The following SRRM1 variants were observed in gnomAD, a reference collection of about 807,000 sequenced individuals.
SRRM1 encodes the protein serine and arginine repetitive matrix 1, also known as serine/arginine repetitive matrix protein 1.
SRRM1 carries 19 observed loss-of-function variants against 110.2 expected under a neutral mutation model. The ratio of observed to expected loss-of-function variants is 0.17; its 90% CI spans 0.12 to 0.25. The LOEUF (loss-of-function observed/expected upper bound fraction) is 0.25. Among genes scored for constraint, SRRM1 ranks in the 10% least tolerant of loss-of-function variants. The pLI, the probability that SRRM1 is intolerant of heterozygous loss-of-function variation, is 1.00. For synonymous variants in SRRM1, 443 were observed against 414.9 expected (o/e 1.07, Z -0.82); for missense variants, 918 against 1,145.8 (o/e 0.80, Z 2.87).
At chr1:24,663,049 C>G (rs1040822547) in intron 12 of SRRM1, 5 of 989,988 alleles carry the variant, frequency 5.1e-6, no homozygotes, top group Non-Finnish European at 7.2e-6. Context: ...GAAAAATAAA[C>G]CAAACTATTA....
chr1:24,648,513 G>A (rs1390554880), intron 3 of SRRM1: 2 of 173,282 alleles, frequency 1.2e-5, no homozygotes, highest in Non-Finnish European at 2.4e-5. Context: ...TTTCTTGTTA[G>A]TAAATACTAG....
rs1470504394 is a variant in SRRM1, at chr1:24,666,894, C to T, written c.1708C>T (p.Arg570Cys). Residue 570 changes from arginine (R) to cysteine (C), a missense_variant, in exon 13 of 17, where the codon CGC becomes TGC. This residue lies in a region of SRRM1 where 357 missense variants were observed against 402.9 expected (regional missense o/e 0.89). Transcript: ENST00000323848. ...TTCTCCCGCCCCTCCTCCTCGACGGCGCAGGACTCCCACACCACCACCACG... is the reference window on the plus strand; with the variant it reads ...TTCTCCCGCCCCTCCTCCTCGACGGTGCAGGACTCCCACACCACCACCACG... ...SPSPAPPPRRRRTPTPPPRRR... is the reference protein window; with the variant it reads ...SPSPAPPPRRCRTPTPPPRRR... 14 of 1,610,908 alleles carry T rather than the reference C, an allele frequency of 8.7e-6. No individual in the cohort carries two copies. Among genetic ancestry groups the T allele is most frequent in the Non-Finnish European group, 1.0e-5 (12 of 1,179,082 alleles).
chr1:24,646,577 C>A, intron 2 of SRRM1, 90 bp from the exon 3 acceptor site: 5 of 1,176,050 alleles, frequency 4.3e-6, no homozygotes, highest in South Asian at 3.4e-5. Context: ...AAAAACTAAG[C>A]TAAAAGGAAC....
chr1:24,668,920 C>T (rs1195955762), intron 13 of SRRM1, among the ~76,000 whole-genome samples: 1 of 151,974 alleles, frequency 6.6e-6, no homozygotes, highest in Non-Finnish European at 1.5e-5. Context: ...CTTAGTCCTG[C>T]AGACAGTGTC....
intron 2 of SRRM1, 101 bp downstream of exon 2, chr1:24,646,174 A>G: frequency 1.2e-6 from 1 of 859,574 alleles, no homozygotes. Context: ...AATGCTAAGA[A>G]AAACATAATT....
intron 5 of SRRM1, among the ~76,000 whole-genome samples, chr1:24,651,122 C>A (rs1464529174): frequency 6.6e-6 from 1 of 152,182 alleles, no homozygotes; most frequent in African/African-American, 2.4e-5. Context: ...CTCTTTGCCT[C>A]TGAAAAGTTG....
intron 6 of SRRM1, 75 bp downstream of exon 6, chr1:24,651,687 T>A: frequency 8.6e-7 from 1 of 1,159,078 alleles, no homozygotes; most frequent in South Asian, 1.5e-5. Context: ...ACATCTGAGT[T>A]AAAATAAAAC....
At chr1:24,668,801 T>C (rs1001733905) in intron 13 of SRRM1, among the ~76,000 whole-genome samples, 123 of 152,356 alleles carry the variant, frequency 8.1e-4, no homozygotes, top group African/African-American at 2.8e-3. Flanking sequence ...TGCAAGATTC[T>C]GTTTTCAAAA....
chr1:24,647,446 A>G (rs1271937634), intron 3 of SRRM1: 1 of 152,386 alleles, frequency 6.6e-6, no homozygotes, highest in Non-Finnish European at 1.5e-5. Context: ...TTTTGTTTAT[A>G]CTTAAACTTC....
chr1:24,652,624 T>A lies in SRRM1; in HGVS notation c.916T>A (p.Ser306Thr). ...ACCTAGACGGCGCCATAGATCCCGA[T>A]CAAGGTGAGTTGTGGCTTTAAGATC... ...TRPRRRHRSR[S>T]RSYSPRRRPS... Residue 306 changes from serine to threonine, a missense_variant, in exon 7 of 17, where the codon TCA (serine) becomes ACA (threonine). Coordinates refer to ENST00000323848, the MANE Select transcript of SRRM1 (RefSeq NM_005839.4). 6.3e-7 allele frequency: 1 copy of A among 1,599,512 alleles called. No individual in the cohort carries two copies. The highest frequency in any genetic ancestry group is 8.5e-7 in the Non-Finnish European group (1 of 1,175,088).
chr1:24,646,946 A>C (rs939994784), intron 3 of SRRM1, 157 bp downstream of exon 3: 14 of 542,420 alleles, frequency 2.6e-5, no homozygotes, highest in Middle Eastern at 9.0e-4. Flanking sequence ...TAAGGCTGGA[A>C]GTTTAGTGAA....
intron 12 of SRRM1, among the ~76,000 whole-genome samples, chr1:24,664,691 A>G (rs753897455): frequency 6.6e-6 from 1 of 152,224 alleles, no homozygotes; most frequent in East Asian, 1.9e-4. Context: ...GGGTATTTAC[A>G]CTGTGGAGGA....
At chr1:24,651,008 G>A (rs555601949) in intron 5 of SRRM1, among the ~76,000 whole-genome samples, 1 of 152,284 alleles carries the variant, frequency 6.6e-6, no homozygotes, top group South Asian at 2.1e-4. Context: ...GGCATACTGA[G>A]GCTCTTCCTG....
chr1:24,645,512 A>G (rs12085548), intron 1 of SRRM1, among the ~76,000 whole-genome samples: 30 of 152,230 alleles, frequency 2.0e-4, no homozygotes, highest in African/African-American at 7.2e-4. Context: ...TAAAAGTTGT[A>G]GAAGACTAAC....
chr1:24,659,811 T>C (rs528305288), intron 9 of SRRM1, among the ~76,000 whole-genome samples: 7 of 152,326 alleles, frequency 4.6e-5, no homozygotes, highest in African/African-American at 9.6e-5. Context: ...TTCTATGTTA[T>C]TGGTAAAAGA....
intron 13 of SRRM1, among the ~76,000 whole-genome samples, chr1:24,668,562 T>C: frequency 6.6e-6 from 1 of 152,316 alleles, no homozygotes; most frequent in African/African-American, 2.4e-5. Flanking sequence ...GCCTGAAAAG[T>C]GGCCTTTTGA....
At chr1:24,643,424 C>G in intron 1 of SRRM1, 77 bp downstream of exon 1, 1 of 1,331,536 alleles carries the variant, frequency 7.5e-7, no homozygotes, top group Middle Eastern at 1.9e-4. Context: ...TAGCTTGGCA[C>G]AGGGTGGCCA....
chr1:24,671,084 T>A (rs1342871705), intron 15 of SRRM1, among the ~76,000 whole-genome samples: 1 of 152,200 alleles, frequency 6.6e-6, no homozygotes. Context: ...TCACAAGAGC[T>A]TTATCAGGTA....
chr1:24,652,730 A>G, intron 7 of SRRM1, 102 bp downstream of exon 7: 3 of 1,331,068 alleles, frequency 2.3e-6, no homozygotes, highest in Admixed American at 2.8e-5. Context: ...GATGTTTAGT[A>G]CAAATATTTT....
Sources: allele counts gnomAD v4.1 joint callset (sites outside exome capture counted in the v4.1 genomes callset), GRCh38; gene constraint gnomAD v4.1.1; regional missense constraint gnomAD v4.1.1; transcripts MANE v1.5; gene names NCBI Gene and HGNC (gene_info 2026-07-23, HGNC 2026-07-21).